The following DMD variants were observed in gnomAD, a reference collection of about 807,000 sequenced individuals.
DMD encodes dystrophin.
In DMD, 63 loss-of-function variants were observed where a neutral mutation model predicts 330.1. The ratio of observed to expected loss-of-function variants is 0.19; its 90% CI spans 0.16 to 0.24. The LOEUF (loss-of-function observed/expected upper bound fraction) is 0.24, where lower values mean the gene tolerates loss of function less well. Among genes scored for constraint, DMD ranks in the 10% least tolerant of loss-of-function variants. The probability of loss-of-function intolerance (pLI) is 1.00; values close to 1 mark genes in which losing one functional copy is unlikely to be tolerated. For synonymous variants in DMD, 1,223 were observed against 959.8 expected (o/e 1.27, Z -5.07); for missense variants, 3,344 against 2,684.1 (o/e 1.25, Z -5.43).
At chrX:31,667,633 A>AATTTATTGTGAATTTAAAAATAACTGATT (rs2081507334) in intron 53 of DMD, among the ~76,000 whole-genome samples, 1 of 110,906 alleles carries the variant, frequency 9.0e-6, no homozygotes, top group African/African-American at 3.3e-5. Context: ...ACAGTCAAAA[A>AATTTATTGTGAATTTAAAAATAACTGATT]ATTTATTGTG....
chrX:32,614,207 C>A, intron 12 of DMD, 96 bp downstream of exon 12: 1 of 881,521 alleles, frequency 1.1e-6, no homozygotes, highest in South Asian at 2.4e-5. Context: ...AGTTTTAATT[C>A]TCTCCCATCA....
chrX:31,987,611 G>A (rs752847236), intron 44 of DMD, among the ~76,000 whole-genome samples: 19 of 111,897 alleles, frequency 1.7e-4, no homozygotes, highest in African/African-American at 6.2e-4. Context: ...ATCACTATCA[G>A]GAAAATGCAA....
At chrX:31,885,611 C>CAAAA (rs762289533) in intron 47 of DMD, among the ~76,000 whole-genome samples, 6 of 52,337 alleles carry the variant, frequency 1.1e-4, no homozygotes, top group South Asian at 1.1e-3. Flanking sequence ...CTCCGTCTCA[C>CAAAA]AAAAAAAAAA....
intron 11 of DMD, among the ~76,000 whole-genome samples, chrX:32,637,641 T>A (rs191658190): frequency 9.0e-6 from 1 of 111,724 alleles, no homozygotes; most frequent in Non-Finnish European, 1.9e-5. Context: ...CAGTTCGGCA[T>A]GGCTGGGGAG....
At chrX:33,094,783 G>A (rs916458221) in intron 1 of DMD, among the ~76,000 whole-genome samples, 4 of 103,224 alleles carry the variant, frequency 3.9e-5, no homozygotes, top group African/African-American at 1.4e-4. Context: ...ACTCCAGGCA[G>A]GGCGACAGAG....
At chrX:32,630,527 CT>C (rs901959702) in intron 11 of DMD, among the ~76,000 whole-genome samples, 1 of 110,775 alleles carries the variant, frequency 9.0e-6, no homozygotes, top group Non-Finnish European at 1.9e-5. Flanking sequence ...CTTTTTAGGA[CT>C]TTTTTGTCTC....
intron 62 of DMD, among the ~76,000 whole-genome samples, chrX:31,317,598 G>A (rs945395780): frequency 2.9e-5 from 3 of 103,862 alleles, no homozygotes; most frequent in Non-Finnish European, 5.8e-5. Context: ...TGCATGCTCC[G>A]CTTCCCGGGT....
At chrX:31,922,748 C>A (rs977023673) in intron 47 of DMD, among the ~76,000 whole-genome samples, 5 of 111,643 alleles carry the variant, frequency 4.5e-5, no homozygotes, top group African/African-American at 1.6e-4. Flanking sequence ...AGAGAAAAAA[C>A]ACGGTTAGAA....
intron 50 of DMD, among the ~76,000 whole-genome samples, chrX:31,792,167 G>A (rs1332361527): frequency 9.0e-6 from 1 of 111,511 alleles, no homozygotes; most frequent in Non-Finnish European, 1.9e-5. Flanking sequence ...TACCCAATAG[G>A]ATCAATGCTA....
At chrX:31,125,681 G>A (rs1179824561) in intron 78 of DMD, among the ~76,000 whole-genome samples, 1 of 111,588 alleles carries the variant, frequency 9.0e-6, no homozygotes, top group Non-Finnish European at 1.9e-5. Flanking sequence ...TAGGTAATTC[G>A]ATATTCAGAC....
At chrX:32,532,940 A>G (rs2047617648) in intron 17 of DMD, among the ~76,000 whole-genome samples, 1 of 112,329 alleles carries the variant, frequency 8.9e-6, no homozygotes, top group Non-Finnish European at 1.9e-5. Flanking sequence ...TCTGCCATCT[A>G]ATTTGGTAAA....
intron 52 of DMD, among the ~76,000 whole-genome samples, chrX:31,692,167 T>C (rs930556524): frequency 4.5e-5 from 5 of 111,715 alleles, no homozygotes; most frequent in Admixed American, 3.8e-4. Flanking sequence ...TAAACAATTA[T>C]TGGGTCAAAA....
chrX:33,010,099 T>C (rs1421885024), intron 2 of DMD, among the ~76,000 whole-genome samples: 2 of 102,753 alleles, frequency 1.9e-5, no homozygotes, highest in African/African-American at 3.5e-5. Context: ...TATATACATG[T>C]ATATGCACAT....
intron 60 of DMD, among the ~76,000 whole-genome samples, chrX:31,412,158 C>T (rs1375142678): frequency 1.1e-5 from 1 of 93,887 alleles, no homozygotes; most frequent in Non-Finnish European, 2.0e-5. Flanking sequence ...TACATTCCAG[C>T]CTGGGTGACA....
chrX:31,471,557 C>G (rs2067307529), intron 59 of DMD, among the ~76,000 whole-genome samples: 1 of 112,243 alleles, frequency 8.9e-6, no homozygotes, highest in South Asian at 3.7e-4. Flanking sequence ...CTGTGTTGAT[C>G]TCACTAGGGG....
At chrX:31,594,316 TTA>T (rs1192733836) in intron 55 of DMD, among the ~76,000 whole-genome samples, 1 of 109,564 alleles carries the variant, frequency 9.1e-6, no homozygotes, top group Non-Finnish European at 1.9e-5. Flanking sequence ...TAGCTCAGAG[TTA>T]TGTCATCTCT....
chrX:32,559,123 T>C (rs530476205), intron 16 of DMD, among the ~76,000 whole-genome samples: 1 of 108,771 alleles, frequency 9.2e-6, no homozygotes, highest in African/African-American at 3.4e-5. Context: ...GCTACTTTTT[T>C]TGTATTTTTA....
At position 32,454,814 on chromosome X, in the gene DMD, C is replaced by T; in HGVS notation, c.3451G>A (p.Ala1151Thr). Residue 1151 changes from alanine (A) to threonine (T), a missense_variant, in exon 26 of 79, where the codon GCC (alanine) becomes ACC (threonine). Physicochemically the swap from Ala to Thr is moderately conservative, Grantham distance 58. Transcript: ENST00000357033. Reference sequence around the variant, plus strand: ...GTTTTCTCCAAACCTCCCTTCAAGGCCTCCTTTCTGGCATAGACCTTCCAC... The same window carrying T: ...GTTTTCTCCAAACCTCCCTTCAAGGTCTCCTTTCTGGCATAGACCTTCCAC... ...MCQQVYARKE[A>T]LKGGLEKTVS... 2 of 1,207,316 alleles carry T rather than the reference C, an allele frequency of 1.7e-6. No individual in the cohort carries two copies. The highest frequency in any genetic ancestry group is 5.9e-5 in the East Asian group (2 of 33,696).
intron 37 of DMD, among the ~76,000 whole-genome samples, chrX:32,352,330 T>C (rs1179833914): frequency 9.0e-6 from 1 of 110,835 alleles, no homozygotes; most frequent in Non-Finnish European, 1.9e-5. Context: ...AGAAATATAA[T>C]ACATGCCATA....
Sources: allele counts gnomAD v4.1 joint callset (sites outside exome capture counted in the v4.1 genomes callset), GRCh38; gene constraint gnomAD v4.1.1; transcripts MANE v1.5; gene names NCBI Gene and HGNC (gene_info 2026-07-23, HGNC 2026-07-21).